Variants in B4GALNT2 observed in about 807,000 individuals in gnomAD.
The protein encoded by B4GALNT2 is beta-1,4-N-acetyl-galactosaminyltransferase 2 (SID blood group), also known as N-acetylneuraminylgalactosylglucosyl-glucoside beta-1,4-N- acetylgalactosaminyltransferase 2.
Under a neutral mutation model 51.1 loss-of-function variants are expected in B4GALNT2, and 42 were observed. The ratio of observed to expected loss-of-function variants is 0.82; its 90% CI spans 0.64 to 1.06. B4GALNT2 has a LOEUF of 1.06. Ranked by LOEUF, B4GALNT2 falls within the 50% of genes least tolerant of loss-of-function variation. The probability of loss-of-function intolerance (pLI) is 0.00; values close to 1 mark genes in which losing one functional copy is unlikely to be tolerated. For synonymous variants in B4GALNT2, 253 were observed against 251.7 expected (o/e 1.01, Z -0.05); for missense variants, 602 against 633.6 (o/e 0.95, Z 0.54).
chr17:49,159,129 T>C lies in B4GALNT2; in HGVS notation c.591T>C (p.Ile197=). The part of the protein sequence containing the change: ...VQGRGQKQLI[I]STSDRKLLKF... The stretch of plus-strand genomic sequence containing the variant: ...GCAGAGGCCAGAAGCAGCTGATCAT[T>C]TCTACCAGTGACCGGAAGCTGTTGA... Residue 197 remains isoleucine, a synonymous_variant, in exon 6 of 11, where the codon ATT becomes ATC. Coordinates refer to ENST00000393354, the MANE Select transcript of B4GALNT2 (RefSeq NM_001159387.2). 1 of 1,614,192 alleles carries C rather than the reference T, an allele frequency of 6.2e-7. No homozygotes were observed. The highest frequency in any genetic ancestry group is 8.5e-7 in the Non-Finnish European group (1 of 1,180,036).
rs750232543 is a variant in B4GALNT2, at chr17:49,168,664, C to T, written c.1096-17C>T. 3.1e-6 allele frequency: 5 copies of T among 1,609,852 alleles called. No homozygotes were observed. The East Asian group carries it at 1.1e-4, about 36-fold the overall frequency. ...TTGATCTGCACTCTAACATGGATTT[C>T]TCTGCCTGCTGGCTAGGTAGGCGGC... On this transcript the variant is annotated splice_polypyrimidine_tract_variant and intron_variant, in intron 9 of 10. Transcript: ENST00000393354.
At chr17:49,132,968 T>A in intron 1 of B4GALNT2, 162 bp downstream of exon 1, 1 of 1,418,828 alleles carries the variant, frequency 7.0e-7, no homozygotes, top group Non-Finnish European at 9.2e-7. Context: ...GTTCCCCGCA[T>A]AGGTGGCTGC....
At chr17:49,145,035 C>T (rs1264493256) in intron 3 of B4GALNT2, among the ~76,000 whole-genome samples, 1 of 152,056 alleles carries the variant, frequency 6.6e-6, no homozygotes, top group African/African-American at 2.4e-5. Context: ...TGGTGCCCAC[C>T]CAATTAAGGG....
chr17:49,168,628 C>A, intron 9 of B4GALNT2, 53 bp from the exon 10 acceptor site: 1 of 1,523,148 alleles, frequency 6.6e-7, no homozygotes, highest in Non-Finnish European at 9.0e-7. Context: ...CTGGAAGAGG[C>A]AGGATGAATA....
chr17:49,174,049 T>A lies in B4GALNT2; in HGVS notation c.*4321T>A, dbSNP rs1010773325. ...TTGAAAGTCATTTAATGTTTTCAGT[T>A]GATCCCTACATATGGTTACTTTCTG... On this transcript the variant is annotated 3_prime_UTR_variant, in exon 11 of 11. Coordinates refer to ENST00000393354, the MANE Select transcript of B4GALNT2 (RefSeq NM_001159387.2). The A allele has an allele frequency of 1.3e-5, 2 of 152,186 alleles. No individual in the cohort carries two copies. 9.4% of individuals were successfully genotyped at this position (152,186 alleles called of 1,614,324 possible). A position where few individuals can be genotyped will look rare whatever the true frequency, so the allele number is the denominator to read the frequency against.
chr17:49,158,174 G>A (rs1598211375), intron 5 of B4GALNT2, among the ~76,000 whole-genome samples: 3 of 152,292 alleles, frequency 2.0e-5, no homozygotes. Context: ...GGATGGAGGT[G>A]CCATCCACAA....
At chr17:49,138,799 C>T (rs1453254070) in intron 1 of B4GALNT2, among the ~76,000 whole-genome samples, 1 of 152,188 alleles carries the variant, frequency 6.6e-6, no homozygotes, top group Non-Finnish European at 1.5e-5. Context: ...ATCATTTGAA[C>T]CCAGGAGGTG....
intron 1 of B4GALNT2, among the ~76,000 whole-genome samples, chr17:49,139,889 C>T (rs1377366940): frequency 6.6e-6 from 1 of 151,538 alleles, no homozygotes; most frequent in Admixed American, 6.6e-5. Flanking sequence ...TTCTTTGTGT[C>T]CTAATACGTG....
rs1255053431 is a variant in B4GALNT2 at position 49,170,184 on chromosome 17, A to C, written c.*456A>C. On this transcript the variant is annotated 3_prime_UTR_variant, in exon 11 of 11. Transcript: ENST00000393354. ...CTATCTTGTAGACTCAAAAAATGTG[A>C]ACATTCCAGGGTCCTTGCCTTGAGG... is the stretch of plus-strand genomic sequence containing the variant. The C allele has an allele frequency of 6.5e-6, 1 of 154,042 alleles. No homozygotes were observed. Among genetic ancestry groups the C allele is most frequent in the Non-Finnish European group, 1.4e-5 (1 of 69,218 alleles). The allele number at this position is 154,042 out of a possible 1,614,324, so 9.5% of individuals were successfully genotyped here.
At position 49,160,524 on chromosome 17, in the gene B4GALNT2, CCCTGTGCCATTATCTTATTTCTCCCT is replaced by C; in HGVS notation, c.680-28_680-3del. ...TGGAGTTTAATCCAGACATGATACTCCCTGTGCCATTATCTTATTTCTCCCTCCAGTGAGTCTGGAGTCCAGGTCCT... is the reference window on the plus strand; with the variant it reads ...TGGAGTTTAATCCAGACATGATACTCCCAGTGAGTCTGGAGTCCAGGTCCT... On this transcript the variant is annotated splice_region_variant and splice_polypyrimidine_tract_variant and intron_variant, in intron 6 of 10. Coordinates refer to ENST00000393354, the MANE Select transcript of B4GALNT2 (RefSeq NM_001159387.2). The C allele has an allele frequency of 6.3e-7, 1 of 1,594,576 alleles. No individual in the cohort carries two copies. Among genetic ancestry groups the C allele is most frequent in the Non-Finnish European group, 8.6e-7 (1 of 1,162,256 alleles).
rs1381229890 is a variant in B4GALNT2 at position 49,175,844 on chromosome 17, G to C, written c.*6116G>C. 4 of 152,188 alleles carry C rather than the reference G, an allele frequency of 2.6e-5. No homozygotes were observed. The highest frequency in any genetic ancestry group is 4.4e-5 in the Non-Finnish European group (3 of 68,044). The allele number at this position is 152,188 out of a possible 1,614,324, so 9.4% of individuals were successfully genotyped here. A position where few individuals can be genotyped will look rare whatever the true frequency, so the allele number is the denominator to read the frequency against. ...AGTGTCCTCTGGAAAAGAAAGATCT[G>C]TAGGGTCAGGTCACTCTTTTTCTTC... On this transcript the variant is annotated 3_prime_UTR_variant, in exon 11 of 11. Coordinates refer to ENST00000393354, the MANE Select transcript of B4GALNT2 (RefSeq NM_001159387.2).
At chr17:49,156,419 C>G in intron 4 of B4GALNT2, 147 bp from the exon 5 acceptor site, 1 of 768,758 alleles carries the variant, frequency 1.3e-6, no homozygotes, top group Non-Finnish European at 2.1e-6. Context: ...TGGGGAGAGG[C>G]GCACGTGTCA....
the B4GALNT2 span, among the ~76,000 whole-genome samples, chr17:49,127,022 C>T: frequency 3.9e-5 from 6 of 152,132 alleles, no homozygotes; most frequent in African/African-American, 7.2e-5. Context: ...ACCTTTCTTG[C>T]ATAAATTCCC....
At chr17:49,129,721 A>T (rs1446496539), upstream of B4GALNT2, among the ~76,000 whole-genome samples, 1 of 149,438 alleles carries the variant, frequency 6.7e-6, no homozygotes, top group Non-Finnish European at 1.5e-5. Context: ...TGGGGGGGGA[A>T]GTTTATTGCA....
At position 49,146,973 on chromosome 17, in the gene B4GALNT2, C is replaced by A. The variant is rs148033805; in HGVS notation, c.353+4801C>A. 7.9e-4 allele frequency among the ~76,000 whole-genome samples: 120 copies of A among 152,278 alleles called. 2 individuals carry two copies. The highest frequency in any genetic ancestry group is 3.4e-3 in the Middle Eastern group (1 of 294). On this transcript the variant is annotated intron_variant, in intron 3 of 10. Transcript: ENST00000393354. ...TGCTCCCTGGCCAATGTCACATAAG[C>A]TATATAAATCTCTGGAGTATATACA...
At position 49,170,842 on chromosome 17, in the gene B4GALNT2, T is replaced by C. The variant is rs1316447557; in HGVS notation, c.*1114T>C. 1 of 152,366 alleles carries C rather than the reference T, an allele frequency of 6.6e-6. No individual in the cohort carries two copies. 9.4% of individuals were successfully genotyped at this position (152,366 alleles called of 1,614,324 possible). On this transcript the variant is annotated 3_prime_UTR_variant, in exon 11 of 11. Coordinates refer to ENST00000393354, the MANE Select transcript of B4GALNT2 (RefSeq NM_001159387.2). The stretch of plus-strand genomic sequence containing the variant: ...AAGCATTGTTTCTATAGATTATAGA[T>C]AAACTAAAAGTATTCCTTACAGGAA...
intron 3 of B4GALNT2, among the ~76,000 whole-genome samples, chr17:49,146,446 G>A (rs1009408394): frequency 6.6e-6 from 1 of 152,178 alleles, no homozygotes; most frequent in Non-Finnish European, 1.5e-5. Flanking sequence ...GAGTAGTTGG[G>A]ATTAAAGGTG....
At chr17:49,154,583 T>C (rs1229761367) in intron 4 of B4GALNT2, among the ~76,000 whole-genome samples, 1 of 151,438 alleles carries the variant, frequency 6.6e-6, no homozygotes, top group Admixed American at 6.6e-5. Flanking sequence ...GACCTCCAAG[T>C]AAGGTCTCGG....
chr17:49,163,595 A>G (rs182006763), intron 7 of B4GALNT2, among the ~76,000 whole-genome samples: 35 of 152,158 alleles, frequency 2.3e-4, no homozygotes, highest in Non-Finnish European at 4.7e-4. Flanking sequence ...ATCTCTACTA[A>G]AAATACAAAA....
Sources: allele counts gnomAD v4.1 joint callset (sites outside exome capture counted in the v4.1 genomes callset), GRCh38; gene constraint gnomAD v4.1.1; transcripts MANE v1.5; gene names NCBI Gene and HGNC (gene_info 2026-07-23, HGNC 2026-07-21).